RDH16: variants seen among roughly 807,000 people sequenced by gnomAD.
The protein encoded by RDH16 is retinol dehydrogenase 16.
In RDH16, 25 loss-of-function variants were observed where a neutral mutation model predicts 22.3. The observed-to-expected ratio is 1.12, with a 90% CI of 0.82 to 1.56. The LOEUF (loss-of-function observed/expected upper bound fraction) is 1.56, where lower values mean the gene tolerates loss of function less well. Ranked by LOEUF, RDH16 falls within the 40% of genes most tolerant of loss-of-function variation. The pLI, the probability that RDH16 is intolerant of heterozygous loss-of-function variation, is 0.00. For missense variants in RDH16, 413 were observed against 394.9 expected, an observed-to-expected ratio of 1.05 and a Z score of -0.39; for synonymous variants, 154 against 164.4, an observed-to-expected ratio of 0.94 and a Z score of 0.48.
At chr12:56,952,331 A>T in intron 3 of RDH16, 85 bp from the exon 4 acceptor site, 1 of 1,293,252 alleles carries the variant, frequency 7.7e-7, no homozygotes. Flanking sequence ...AAAGGGTCTA[A>T]GAACTCATGC....
In RDH16 at chr12:56,951,876, C is replaced by T. The variant is rs1955882040; in HGVS notation, c.*153G>A. On this transcript the variant is annotated 3_prime_UTR_variant, in exon 4 of 4. Transcript: ENST00000398138. ...CATCTCCAGAGAGCAGAATTATCTC[C>T]CAGGAGAATCATGGCCAGGAGGTAA... is the stretch of plus-strand genomic sequence containing the variant. 6.3e-6 allele frequency: 4 copies of T among 638,360 alleles called. No homozygotes were observed. The South Asian group carries it at 7.7e-5, about 12-fold the overall frequency. The allele number at this position is 638,360 out of a possible 1,614,324, so 39.5% of individuals were successfully genotyped here. A position where few individuals can be genotyped will look rare whatever the true frequency, so the allele number is the denominator to read the frequency against.
In RDH16 at chr12:56,957,330, G is replaced by C; in HGVS notation, c.133C>G (p.Leu45Val). 6.2e-7 allele frequency: 1 copy of C among 1,614,196 alleles called. No individual in the cohort carries two copies. The highest frequency in any genetic ancestry group is 8.5e-7 in the Non-Finnish European group (1 of 1,180,040). The change falls in exon 1 of 4, where the codon CTG (leucine) becomes GTG (valine). Residue 45 changes from leucine (L) to valine (V), a missense_variant. Physicochemically the swap from Leu to Val is conservative, Grantham distance 32 (BLOSUM62 1). Coordinates refer to ENST00000398138, the MANE Select transcript of RDH16 (RefSeq NM_003708.5). The stretch of plus-strand genomic sequence containing the variant: ...CCTCGTGCATCCAGCTGTCTGGCCA[G>C]CAGTTTCCCGAAGCCAGAGTCACAG... ...TGCDSGFGKL[L>V]ARQLDARGLR...
chr12:56,955,234 A>C, intron 1 of RDH16, 70 bp from the exon 2 acceptor site: 1 of 1,568,750 alleles, frequency 6.4e-7, no homozygotes, highest in Non-Finnish European at 8.7e-7. Context: ...TTAGGGTGCA[A>C]ATCACATCCC....
Position 56,952,044 on chromosome 12 carries a change from C to G in RDH16, c.939G>C (p.Pro313=), listed in dbSNP as rs150940368. The change falls in exon 4 of 4, where the codon CCG becomes CCC. Residue 313 remains proline, a synonymous_variant. Coordinates refer to ENST00000398138, the MANE Select transcript of RDH16 (RefSeq NM_003708.5). ...DAIMYWVSPS[P]AKAL ...AACCTTAGCTTCATAGAGCCTTGGC[C>G]GGGCTTGGAGAGACCCAGTACATAA... 5.0e-6 allele frequency: 8 copies of G among 1,613,992 alleles called. No homozygotes were observed. In the South Asian group the frequency reaches 8.8e-5, roughly 18 times the overall value.
chr12:56,951,666 T>A lies in RDH16; in HGVS notation c.*363A>T. On this transcript the variant is annotated 3_prime_UTR_variant, in exon 4 of 4. Coordinates refer to ENST00000398138, the MANE Select transcript of RDH16 (RefSeq NM_003708.5). ...GGCCCAGAATTAACACACAGCCTGA[T>A]AAGGAAGCAGGAGGTAATGGCATGG... 1.4e-5 allele frequency: 4 copies of A among 278,574 alleles called. No homozygotes were observed. Among genetic ancestry groups the A allele is most frequent in the East Asian group, 1.5e-4 (2 of 13,452 alleles). The allele number at this position is 278,574 out of a possible 1,614,324, so 17.3% of individuals were successfully genotyped here.
In RDH16 at chr12:56,952,132, C is replaced by T. The variant is rs1592430703; in HGVS notation, c.851G>A (p.Gly284Asp). ...GAGGTAGAGAAGCTTGGCATCCCAG[C>T]CAGCTGAGTAGCGAGTACGGGGGTG... Reference protein sequence around the residue: ...ACHPRTRYSAGWDAKLLYLPM... With the variant: ...ACHPRTRYSADWDAKLLYLPM... The change falls in exon 4 of 4, where the codon GGC becomes GAC. Residue 284 changes from glycine to aspartate, a missense_variant. Transcript: ENST00000398138. The T allele has an allele frequency of 6.2e-7, 1 of 1,614,036 alleles. No individual in the cohort carries two copies.
In RDH16 at chr12:56,954,994, C is replaced by G; in HGVS notation, c.484G>C (p.Val162Leu). 1.9e-6 allele frequency: 3 copies of G among 1,614,190 alleles called. No homozygotes were observed. The highest frequency in any genetic ancestry group is 2.5e-6 in the Non-Finnish European group (3 of 1,180,028). Residue 162 changes from valine (V) to leucine (L), a missense_variant, in exon 2 of 4, where the codon GTC becomes CTC. Transcript: ENST00000398138. Reference protein sequence around the residue: ...VRRARGRVVNVSSVMGRVSLF... With the variant: ...VRRARGRVVNLSSVMGRVSLF... ...GACACCCGGCCCATGACACTGGAGA[C>G]GTTGACCACACGGCCCCTGGCCCTC...
Position 56,957,270 on chromosome 12 carries a change from CT to C in RDH16, c.192del (p.Gly65GlufsTer5). 2 of 1,614,188 alleles carry C rather than the reference CT, an allele frequency of 1.2e-6. No homozygotes were observed. Among genetic ancestry groups the C allele is most frequent in the Non-Finnish European group, 8.5e-7 (1 of 1,180,036 alleles). ...LRVLAACLTE[K>X]GAEQLRGQTS... is the part of the protein sequence containing the mutation. ...GTCTGGCCCCTCAGCTGCTCGGCTC[CT>C]TTCTCCGTCAGACATGCAGCCAGCA... On this transcript the variant is annotated frameshift_variant, in exon 1 of 4. Coordinates refer to ENST00000398138, the MANE Select transcript of RDH16 (RefSeq NM_003708.5). LOFTEE classifies it high-confidence loss of function.
At chr12:56,957,046 C>A in intron 1 of RDH16, 104 bp downstream of exon 1, 1 of 1,189,444 alleles carries the variant, frequency 8.4e-7, no homozygotes, top group African/African-American at 1.5e-5. Context: ...ACTGTTACTT[C>A]AACCTGGAAA....
At chr12:56,952,372 C>G in intron 3 of RDH16, 126 bp from the exon 4 acceptor site, 1 of 848,962 alleles carries the variant, frequency 1.2e-6, no homozygotes, top group South Asian at 1.7e-5. Flanking sequence ...AGCAATGCCT[C>G]AAATCTCTTT....
rs746449900 is a variant in RDH16 at position 56,952,956 on chromosome 12, T to C, written c.607A>G (p.Met203Val). ...GTCTTGAAATAGCCAGGTTCAATCA[T>C]AGCCACCTTCACCCCAAAGTAGGAG... ...ELSYFGVKVA[M>V]IEPGYFKTAV... Residue 203 changes from methionine (M) to valine (V), a missense_variant, in exon 3 of 4, where the codon ATG (methionine) becomes GTG (valine). Physicochemically the swap from Met to Val is conservative, Grantham distance 21. Coordinates refer to ENST00000398138, the MANE Select transcript of RDH16 (RefSeq NM_003708.5). 1.3e-4 allele frequency: 214 copies of C among 1,613,666 alleles called. 1 individual carries two copies. The highest frequency in any genetic ancestry group is 1.7e-4 in the Non-Finnish European group (202 of 1,179,884).
rs759138380 is a variant in RDH16, at chr12:56,952,209, T to C, written c.774A>G (p.Thr258=). Residue 258 remains threonine (T), a synonymous_variant, in exon 4 of 4, where the codon ACA becomes ACG. Coordinates refer to ENST00000398138, the MANE Select transcript of RDH16 (RefSeq NM_003708.5). ...AGTTGGTCACCAACGACAGATCCTG[T>C]GTGCACTTCTGCTCCATTTGTTCAG... The part of the protein sequence containing the change: ...KSAEQMEQKC[T]QDLSLVTNCM... 13 of 1,614,034 alleles carry C rather than the reference T, an allele frequency of 8.1e-6. 1 individual carries two copies. In the South Asian group the frequency reaches 1.2e-4, roughly 15 times the overall value.
chr12:56,951,763 C>T lies in RDH16; in HGVS notation c.*266G>A. The T allele has an allele frequency of 2.0e-6, 1 of 507,186 alleles. No individual in the cohort carries two copies. Among genetic ancestry groups the T allele is most frequent in the South Asian group, 2.2e-5 (1 of 45,330 alleles). The allele number at this position is 507,186 out of a possible 1,614,324, so 31.4% of individuals were successfully genotyped here. A position where few individuals can be genotyped will look rare whatever the true frequency, so the allele number is the denominator to read the frequency against. On this transcript the variant is annotated 3_prime_UTR_variant, in exon 4 of 4. Coordinates refer to ENST00000398138, the MANE Select transcript of RDH16 (RefSeq NM_003708.5). ...AAGGATGGCCCTAGAGGCTTGGACCCTTGAGTGGCCACCCACGGTGACAAT... is the reference window on the plus strand; with the variant it reads ...AAGGATGGCCCTAGAGGCTTGGACCTTTGAGTGGCCACCCACGGTGACAAT...
rs529092847 is a variant in RDH16, at chr12:56,954,103, G to A, written c.572+803C>T. 4.6e-5 allele frequency among the ~76,000 whole-genome samples: 7 copies of A among 152,292 alleles called. No homozygotes were observed. In the East Asian group the frequency reaches 1.4e-3, roughly 29 times the overall value. The stretch of plus-strand genomic sequence containing the variant: ...GAGAGCCATGAAGGAATGGCCTCAG[G>A]GCTTGAAGCATTTCTCTCCCTAGAG... On this transcript the variant is annotated intron_variant, in intron 2 of 3. Transcript: ENST00000398138.
Position 56,952,984 on chromosome 12 carries a change from T to G in RDH16, c.579A>C (p.Glu193Asp). 2 of 1,610,138 alleles carry G rather than the reference T, an allele frequency of 1.2e-6. No individual in the cohort carries two copies. The highest frequency in any genetic ancestry group is 1.7e-6 in the Non-Finnish European group (2 of 1,178,186). Residue 193 changes from glutamate to aspartate, a missense_variant, in exon 3 of 4, where the codon GAA (glutamate) becomes GAC (aspartate). Glu to Asp is a conservative substitution (Grantham distance 45, BLOSUM62 2). Transcript: ENST00000398138. ...CCACCTTCACCCCAAAGTAGGAGAG[T>G]TCCCTCCTGCAAGACAGAGAAGCAG... is the stretch of plus-strand genomic sequence containing the variant. ...VEAFSDSLRR[E>D]LSYFGVKVAM...
chr12:56,956,485 T>C (rs1253077612), intron 1 of RDH16, among the ~76,000 whole-genome samples: 1 of 152,216 alleles, frequency 6.6e-6, no homozygotes, highest in African/African-American at 2.4e-5. Flanking sequence ...CTTGTTTTCA[T>C]CTTTATTCTT....
In RDH16 at chr12:56,957,221, G is replaced by T; in HGVS notation, c.242C>A (p.Thr81Asn). The change falls in exon 1 of 4, where the codon ACC (threonine) becomes AAC (asparagine). Residue 81 changes from threonine to asparagine, a missense_variant. By Grantham distance (65) the Thr-to-Asn change is moderately conservative (BLOSUM62 0). Coordinates refer to ENST00000398138, the MANE Select transcript of RDH16 (RefSeq NM_003708.5). ...GQTSDRLETV[T>N]LDVTKTESVA... ...GCTCTCTGTCTTGGTAACATCCAGG[G>T]TCACCGTCTCCAGCCTGTCTGAAGT... The T allele has an allele frequency of 6.2e-7, 1 of 1,614,110 alleles. No individual in the cohort carries two copies. The highest frequency in any genetic ancestry group is 1.3e-5 in the African/African-American group (1 of 75,004).
chr12:56,952,785 A>C lies in RDH16; in HGVS notation c.736+42T>G, dbSNP rs369894946. On this transcript the variant is annotated intron_variant, in intron 3 of 3. Coordinates refer to ENST00000398138, the MANE Select transcript of RDH16 (RefSeq NM_003708.5). ...ACCAATGGTAGACCAAGGATTCCAC[A>C]CGAGGGTTTGCTTCTCTCCCCACTG... 5.9e-5 allele frequency: 94 copies of C among 1,587,718 alleles called. No individual in the cohort carries two copies. The African/African-American group carries it at 1.2e-3, about 20-fold the overall frequency.
chr12:56,952,446 T>C (rs1955889924), intron 3 of RDH16, among the ~76,000 whole-genome samples, 200 bp from the exon 4 acceptor site: 1 of 152,158 alleles, frequency 6.6e-6, no homozygotes, highest in South Asian at 2.1e-4. Flanking sequence ...CACTAAGTCA[T>C]GTCTGTCTCT....
Sources: allele counts gnomAD v4.1 joint callset (sites outside exome capture counted in the v4.1 genomes callset), GRCh38; gene constraint gnomAD v4.1.1; transcripts MANE v1.5; gene names NCBI Gene and HGNC (gene_info 2026-07-23, HGNC 2026-07-21).